The following ZNF839 variants were observed in gnomAD, a reference collection of about 807,000 sequenced individuals.
ZNF839 encodes zinc finger protein 839.
ZNF839 carries 38 observed loss-of-function variants against 56.4 expected under a neutral mutation model. The ratio of observed to expected loss-of-function variants is 0.67; its 90% CI spans 0.52 to 0.88. The LOEUF (loss-of-function observed/expected upper bound fraction) is 0.88, where lower values mean the gene tolerates loss of function less well. ZNF839 is among the 40% of genes least tolerant of loss of function. The pLI is 0.00. For missense variants in ZNF839, 1,091 were observed against 1,177.6 expected, an observed-to-expected ratio of 0.93 and a Z score of 1.08; for synonymous variants, 486 against 493.5, an observed-to-expected ratio of 0.98 and a Z score of 0.20.
intron 2 of ZNF839, among the ~76,000 whole-genome samples, chr14:102,330,793 C>CA (rs1262270314): frequency 6.6e-6 from 1 of 152,210 alleles, no homozygotes; most frequent in Non-Finnish European, 1.5e-5. Flanking sequence ...GCTGGGATTA[C>CA]AGGCATGAGC....
At position 102,334,540 on chromosome 14, in the gene ZNF839, C is replaced by G; in HGVS notation, c.1417-14C>G. The G allele has an allele frequency of 1.3e-6, 2 of 1,595,932 alleles. No homozygotes were observed. Among genetic ancestry groups the G allele is most frequent in the Non-Finnish European group, 1.7e-6 (2 of 1,167,760 alleles). Reference sequence around the variant, plus strand: ...ACGGGACATTCAAAGGCATGAAATGCTTTCCCTTGGTAGTTCCTCCAGCAG... The same window carrying G: ...ACGGGACATTCAAAGGCATGAAATGGTTTCCCTTGGTAGTTCCTCCAGCAG... On this transcript the variant is annotated splice_polypyrimidine_tract_variant and intron_variant, in intron 3 of 7. Transcript: ENST00000442396.
In ZNF839 at chr14:102,319,893, A is replaced by G. The variant is rs1435038849; in HGVS notation, c.128A>G (p.Gln43Arg). 1 of 1,185,168 alleles carries G rather than the reference A, an allele frequency of 8.4e-7. No homozygotes were observed. Among genetic ancestry groups the G allele is most frequent in the East Asian group, 4.7e-5 (1 of 21,404 alleles). 73.4% of individuals were successfully genotyped at this position (1,185,168 alleles called of 1,614,324 possible). A position where few individuals can be genotyped will look rare whatever the true frequency, so the allele number is the denominator to read the frequency against. ...VAPLGPEQLR[Q>R]VLEQVTKAQP... ...CCGCTGGGCCCCGAGCAGCTGCGGC[A>G]GGTCCTGGAGCAGGTGACGAAGGCG... Residue 43 changes from glutamine to arginine, a missense_variant, in exon 1 of 8, where the codon CAG (glutamine) becomes CGG (arginine). By Grantham distance (43) the Gln-to-Arg change is conservative (BLOSUM62 1). Around this residue, in one of 3 missense-constraint regions of ZNF839, gnomAD observed 614 missense variants for 629.2 expected, o/e 0.98. Transcript: ENST00000442396. The surrounding 1 kb of genome is among the most constrained non-coding windows in gnomAD (Gnocchi z 4.5).
At chr14:102,318,933 A>G (rs1483988894), upstream of ZNF839, among the ~76,000 whole-genome samples, 1 of 152,146 alleles carries the variant, frequency 6.6e-6, no homozygotes, top group East Asian at 1.9e-4. Context: ...GGTGCTTAAG[A>G]AGGGTTTGTG....
At chr14:102,322,242 T>C (rs2073166971) in intron 1 of ZNF839, among the ~76,000 whole-genome samples, 2 of 152,206 alleles carry the variant, frequency 1.3e-5, no homozygotes, top group Admixed American at 1.3e-4. Flanking sequence ...GGGAAGCTTG[T>C]CTGCCTTCAG....
At chr14:102,325,850 C>A (rs2073379464) in intron 1 of ZNF839, 135 bp from the exon 2 acceptor site, 2 of 1,064,956 alleles carry the variant, frequency 1.9e-6, no homozygotes, top group Non-Finnish European at 2.7e-6. Flanking sequence ...TTAGTACAAA[C>A]ACATTACATC....
At chr14:102,327,693 G>A (rs534623155) in intron 2 of ZNF839, among the ~76,000 whole-genome samples, 7 of 152,260 alleles carry the variant, frequency 4.6e-5, no homozygotes, top group African/African-American at 9.6e-5. Context: ...GGATTCAGGC[G>A]AAGGCTGTAG....
At chr14:102,338,769 G>A (rs779076151) in intron 5 of ZNF839, 47 bp from the exon 6 acceptor site, 2 of 1,610,624 alleles carry the variant, frequency 1.2e-6, no homozygotes, top group East Asian at 2.2e-5. Flanking sequence ...TTCTGGGGGT[G>A]TGTGCTGTTT....
chr14:102,337,875 C>G (rs1193643345), intron 5 of ZNF839: 1 of 152,252 alleles, frequency 6.6e-6, no homozygotes, highest in Non-Finnish European at 1.5e-5. Flanking sequence ...TTAGCACTTT[C>G]ACATCTGGTG....
intron 4 of ZNF839, 62 bp downstream of exon 4, chr14:102,334,708 T>A (rs1161860218): frequency 4.7e-5 from 39 of 829,688 alleles, no homozygotes; most frequent in Non-Finnish European, 6.1e-5. Context: ...AGAAATAATA[T>A]TATTATTTAT....
In ZNF839 at chr14:102,326,559, T is replaced by C; in HGVS notation, c.863T>C (p.Val288Ala). The C allele has an allele frequency of 6.2e-7, 1 of 1,613,958 alleles. No individual in the cohort carries two copies. The highest frequency in any genetic ancestry group is 1.6e-4 in the Middle Eastern group (1 of 6,062). ...SDSDDYSELC[V>A]EEDEDQRERH... ...TCTGATGATTACTCAGAACTCTGTG[T>C]GGAAGAAGATGAAGATCAGAGGGAG... Residue 288 changes from valine to alanine, a missense_variant, in exon 2 of 8, where the codon GTG (valine) becomes GCG (alanine). Around this residue, in one of 3 missense-constraint regions of ZNF839, gnomAD observed 614 missense variants for 629.2 expected, o/e 0.98. Transcript: ENST00000442396. This position sits in a 1 kb window ranked among gnomAD's most constrained non-coding sequence, Gnocchi z 4.3.
At chr14:102,322,820 A>C (rs2073203735) in intron 1 of ZNF839, among the ~76,000 whole-genome samples, 1 of 152,202 alleles carries the variant, frequency 6.6e-6, no homozygotes, top group African/African-American at 2.4e-5. Context: ...CCGCCTCAGC[A>C]TCCCAAAGCA....
intron 2 of ZNF839, 79 bp from the exon 3 acceptor site, chr14:102,331,543 C>T: frequency 7.7e-7 from 1 of 1,293,426 alleles, no homozygotes; most frequent in South Asian, 1.4e-5. Flanking sequence ...AGCCACGGCG[C>T]CCGGCCACTA....
chr14:102,331,052 TTAGA>T (rs1289871138), intron 2 of ZNF839, among the ~76,000 whole-genome samples: 1 of 152,160 alleles, frequency 6.6e-6, no homozygotes, highest in African/African-American at 2.4e-5. Flanking sequence ...TGTGTTGGAA[TTAGA>T]TAGTGGTTAT....
At chr14:102,321,320 T>C (rs2073116101) in intron 1 of ZNF839, among the ~76,000 whole-genome samples, 1 of 152,132 alleles carries the variant, frequency 6.6e-6, no homozygotes, top group Admixed American at 6.5e-5. Context: ...CTCAGGGAGG[T>C]TGCGTGGCTT....
chr14:102,323,176 G>A (rs1470663578), intron 1 of ZNF839, among the ~76,000 whole-genome samples: 1 of 150,358 alleles, frequency 6.7e-6, no homozygotes, highest in African/African-American at 2.5e-5. Context: ...ATTCTCAACC[G>A]AGGGCAGTTT....
upstream of ZNF839, chr14:102,319,636 C>G: frequency 5.9e-6 from 7 of 1,195,134 alleles, no homozygotes; most frequent in South Asian, 4.3e-5. The surrounding 1 kb of genome is among the most constrained non-coding windows in gnomAD (Gnocchi z 4.5). Context: ...ACGACTTTCC[C>G]GGCCAGACAC....
At chr14:102,339,297 G>C (rs944592973) in intron 7 of ZNF839, 74 bp downstream of exon 7, 6 of 1,532,002 alleles carry the variant, frequency 3.9e-6, no homozygotes, top group South Asian at 1.2e-5. Flanking sequence ...ATGTACCCAG[G>C]ATTGCCATTT....
rs760216872 is a variant in ZNF839 at position 102,335,714 on chromosome 14, CT to C, written c.1541del (p.Phe514SerfsTer36). On this transcript the variant is annotated frameshift_variant, in exon 5 of 8. Coordinates refer to ENST00000442396, the MANE Select transcript of ZNF839 (RefSeq NM_018335.6). LOFTEE classifies it high-confidence loss of function. ...MKVEKDHLAK[P>X]FFPAIYKEFE... ...GTTGAAAAAGATCATCTAGCAAAGC[CT>C]TTTTTCCCAGCTATATATAAGGAAT... The C allele has an allele frequency of 1.3e-6, 2 of 1,597,290 alleles. No individual in the cohort carries two copies. The highest frequency in any genetic ancestry group is 1.7e-5 in the Admixed American group (1 of 59,498).
At chr14:102,327,169 C>A (rs1388420759) in intron 2 of ZNF839, among the ~76,000 whole-genome samples, 1 of 151,918 alleles carries the variant, frequency 6.6e-6, no homozygotes, top group Non-Finnish European at 1.5e-5. Flanking sequence ...GAGATGGATC[C>A]TCGCTCTGTC....
Sources: gnomAD v4.1 joint callset for allele counts (sites outside exome capture counted in the v4.1 genomes callset) on GRCh38, gnomAD v4.1.1 for gene constraint, gnomAD v4.1.1 regional missense constraint, Gnocchi (gnomAD v3.1) non-coding constraint, MANE v1.5 for transcripts, NCBI Gene and HGNC (gene_info 2026-07-23, HGNC 2026-07-21) for gene names.